RYR3: variants seen among roughly 807,000 people sequenced by gnomAD.
The protein encoded by RYR3 is ryanodine receptor 3.
Under a neutral mutation model 584.3 loss-of-function variants are expected in RYR3, and 207 were observed. The ratio of observed to expected loss-of-function variants is 0.35; its 90% CI spans 0.32 to 0.40. The LOEUF (loss-of-function observed/expected upper bound fraction) is 0.40, where lower values mean the gene tolerates loss of function less well. RYR3 is among the 10% of genes least tolerant of loss of function. The pLI is 1.00. For missense variants in RYR3, 5,616 were observed against 6,089.2 expected (o/e 0.92, Z 2.59); for synonymous variants, 2,416 against 2,248.5 (o/e 1.07, Z -2.11).
rs1181651406 is a variant in RYR3 at position 33,404,588 on chromosome 15, TG to T, written c.52-68830del. On this transcript the variant is annotated intron_variant, in intron 1 of 103. Coordinates refer to ENST00000634891, the MANE Select transcript of RYR3 (RefSeq NM_001036.6). ...TGAGGAATTACTATTTACTACTGTG[TG>T]TTTTTTTTTTTTTTACTTGTAACTG... Among the ~76,000 whole-genome samples the T allele has an allele frequency of 5.0e-5, 6 of 119,898 alleles. 1 individual carries two copies. Among genetic ancestry groups the T allele is most frequent in the Admixed American group, 2.3e-4 (3 of 13,060 alleles). The allele number at this position is 119,898 out of a possible 152,430, so 78.7% of individuals were successfully genotyped here. A position where few individuals can be genotyped will look rare whatever the true frequency, so the allele number is the denominator to read the frequency against.
At chr15:33,601,266 G>GGT (rs943052181) in intron 16 of RYR3, among the ~76,000 whole-genome samples, 153 bp from the exon 17 acceptor site, 18 of 152,238 alleles carry the variant, frequency 1.2e-4, no homozygotes, top group Non-Finnish European at 2.6e-4. Context: ...GCTCCTTCTG[G>GGT]GTAAGAGGCA....
At chr15:33,630,637 A>G (rs1033398549) in intron 22 of RYR3, among the ~76,000 whole-genome samples, 1 of 152,212 alleles carries the variant, frequency 6.6e-6, no homozygotes, top group African/African-American at 2.4e-5. Flanking sequence ...GGATACCTTC[A>G]ATTACACTGG....
chr15:33,426,926 T>C (rs2141677352), intron 1 of RYR3, among the ~76,000 whole-genome samples: 1 of 152,318 alleles, frequency 6.6e-6, no homozygotes, highest in South Asian at 2.1e-4. Context: ...AGCTCTGGTC[T>C]TTCTGTCTAC....
At chr15:33,452,948 T>G (rs1355262366) in intron 1 of RYR3, among the ~76,000 whole-genome samples, 1 of 152,232 alleles carries the variant, frequency 6.6e-6, no homozygotes, top group East Asian at 1.9e-4. Flanking sequence ...AGTCTCTGAA[T>G]GTTTGACTTG....
intron 3 of RYR3, among the ~76,000 whole-genome samples, chr15:33,516,780 C>T (rs1170838347): frequency 6.6e-6 from 1 of 152,114 alleles, no homozygotes; most frequent in African/African-American, 2.4e-5. Flanking sequence ...TCCCGAACCT[C>T]CCTGTAACCA....
At chr15:33,803,953 A>C (rs1315523608) in intron 69 of RYR3, among the ~76,000 whole-genome samples, 2 of 152,246 alleles carry the variant, frequency 1.3e-5, no homozygotes, top group Non-Finnish European at 2.9e-5. Flanking sequence ...GAAATGGCAA[A>C]GACATCTCAA....
chr15:33,821,575 G>C lies in RYR3; in HGVS notation c.10968G>C (p.Leu3656=). Reference sequence around the variant, plus strand: ...CGCTGAAGCTGGGGATCGCCATTCTGAACGGAGGCAATGCTGGTGTGCAAC... The same window carrying C: ...CGCTGAAGCTGGGGATCGCCATTCTCAACGGAGGCAATGCTGGTGTGCAAC... ...VETLKLGIAI[L]NGGNAGVQQK... is the part of the protein sequence containing the mutation. The change falls in exon 80 of 104, where the codon CTG becomes CTC. Residue 3656 remains leucine (L), a synonymous_variant. Coordinates refer to ENST00000634891, the MANE Select transcript of RYR3 (RefSeq NM_001036.6). The C allele has an allele frequency of 6.2e-7, 1 of 1,614,030 alleles. No individual in the cohort carries two copies. Among genetic ancestry groups the C allele is most frequent in the East Asian group, 2.2e-5 (1 of 44,878 alleles).
intron 94 of RYR3, chr15:33,852,198 T>C (rs2079175065): frequency 6.6e-6 from 1 of 152,082 alleles, no homozygotes. Context: ...TAAGAATGCA[T>C]GCACCAAAGG....
chr15:33,483,022 AT>A (rs1433022631), intron 2 of RYR3, among the ~76,000 whole-genome samples: 3 of 151,882 alleles, frequency 2.0e-5, no homozygotes, highest in African/African-American at 7.3e-5. Flanking sequence ...CCTATTTTAT[AT>A]TTATTTATTC....
Position 33,656,361 on chromosome 15 carries a change from G to A in RYR3, c.4309-3359G>A, listed in dbSNP as rs999157758. 5.3e-5 allele frequency among the ~76,000 whole-genome samples: 8 copies of A among 152,198 alleles called. No individual in the cohort carries two copies. In the East Asian group the frequency reaches 1.5e-3, roughly 29 times the overall value. ...CATTTAGAAGGTAAGCTCCTTGAGG[G>A]CAGAGGCCCTCTCCTGTGCTCACTG... On this transcript the variant is annotated intron_variant, in intron 32 of 103. Transcript: ENST00000634891.
intron 2 of RYR3, among the ~76,000 whole-genome samples, chr15:33,485,281 G>A (rs1243555364): frequency 6.6e-6 from 1 of 152,134 alleles, no homozygotes; most frequent in African/African-American, 2.4e-5. Context: ...GAGAACTTGA[G>A]CAATAAGAAG....
chr15:33,352,095 G>C (rs1973352883), intron 1 of RYR3, among the ~76,000 whole-genome samples: 1 of 152,084 alleles, frequency 6.6e-6, no homozygotes, highest in African/African-American at 2.4e-5. Flanking sequence ...AAAATCACAA[G>C]CATTCTTGTG....
At chr15:33,487,461 A>T (rs1210030726) in intron 2 of RYR3, among the ~76,000 whole-genome samples, 2 of 152,188 alleles carry the variant, frequency 1.3e-5, no homozygotes, top group East Asian at 3.9e-4. Flanking sequence ...AGTGGCATGT[A>T]GCAGATAGAT....
chr15:33,672,772 A>G (rs577892976), intron 38 of RYR3, among the ~76,000 whole-genome samples: 1 of 152,320 alleles, frequency 6.6e-6, no homozygotes, highest in African/African-American at 2.4e-5. Context: ...AAAAGTGTAG[A>G]TAGTGTTAGA....
Position 33,780,252 on chromosome 15 carries a change from C to T in RYR3, c.9179C>T (p.Ala3060Val), listed in dbSNP as rs1188734544. 6.2e-7 allele frequency: 1 copy of T among 1,613,924 alleles called. No individual in the cohort carries two copies. Among genetic ancestry groups the T allele is most frequent in the Non-Finnish European group, 8.5e-7 (1 of 1,179,808 alleles). The change falls in exon 65 of 104, where the codon GCT becomes GTT. Residue 3060 changes from alanine (A) to valine (V), a missense_variant. Physicochemically the swap from Ala to Val is moderately conservative, Grantham distance 64 (BLOSUM62 0). Transcript: ENST00000634891. ...ALGECLASLA[A>V]AIPVAFLEPT... ...GGAGAATGTCTGGCCTCGCTGGCAGCTGCCATACCAGTGGCATTCCTGGAG... is the reference window on the plus strand; with the variant it reads ...GGAGAATGTCTGGCCTCGCTGGCAGTTGCCATACCAGTGGCATTCCTGGAG...
At chr15:33,652,962 A>G (rs1015994011) in intron 32 of RYR3, 79 bp downstream of exon 32, 4 of 1,413,816 alleles carry the variant, frequency 2.8e-6, no homozygotes, top group Non-Finnish European at 1.9e-6. Flanking sequence ...CTCCGTACTC[A>G]GCATTCCTGC....
chr15:33,503,893 G>T (rs1289253350), intron 3 of RYR3, among the ~76,000 whole-genome samples, 155 bp downstream of exon 3: 4 of 152,200 alleles, frequency 2.6e-5, no homozygotes, highest in Non-Finnish European at 5.9e-5. Flanking sequence ...TTGAGTTGGT[G>T]TTATTCAGCA....
Position 33,550,279 on chromosome 15 carries a change from A to G in RYR3, c.935A>G (p.Asp312Gly), listed in dbSNP as rs2056584297. The G allele has an allele frequency of 6.2e-7, 1 of 1,613,406 alleles. No homozygotes were observed. Among genetic ancestry groups the G allele is most frequent in the Non-Finnish European group, 8.5e-7 (1 of 1,179,730 alleles). ...GLILQDRAKSDTKSTAFSFRA... is the reference protein window; with the variant it reads ...GLILQDRAKSGTKSTAFSFRA... ...ATACTGCAAGACCGGGCAAAGTCAG[A>G]CACCAAGTCCACAGCTTTCTCTTTC... Residue 312 changes from aspartate to glycine, a missense_variant, in exon 10 of 104, where the codon GAC (aspartate) becomes GGC (glycine). Physicochemically the swap from Asp to Gly is moderately conservative, Grantham distance 94 (BLOSUM62 -1). Coordinates refer to ENST00000634891, the MANE Select transcript of RYR3 (RefSeq NM_001036.6).
intron 1 of RYR3, among the ~76,000 whole-genome samples, chr15:33,470,966 G>T (rs185754398): frequency 1.3e-5 from 2 of 152,282 alleles, no homozygotes; most frequent in South Asian, 2.1e-4. Flanking sequence ...GAAGAGAAAG[G>T]CTTGTGTTCT....
Sources: gnomAD v4.1 joint callset for allele counts (sites outside exome capture counted in the v4.1 genomes callset) on GRCh38, gnomAD v4.1.1 for gene constraint, MANE v1.5 for transcripts, NCBI Gene and HGNC (gene_info 2026-07-23, HGNC 2026-07-21) for gene names.